MRPL21: variants seen among roughly 807,000 people sequenced by gnomAD.
MRPL21 encodes mitochondrial ribosomal protein L21, also known as large ribosomal subunit protein bL21m.
A neutral mutation model predicts 27.3 loss-of-function variants in MRPL21; 20 were observed. The observed-to-expected ratio is 0.73, with a 90% CI of 0.52 to 1.06. The LOEUF (loss-of-function observed/expected upper bound fraction) is 1.06, where lower values mean the gene tolerates loss of function less well. Among genes scored for constraint, MRPL21 ranks in the 50% least tolerant of loss-of-function variants. The pLI is 0.00. For missense variants in MRPL21, 249 were observed against 251.4 expected (o/e 0.99, Z 0.06); for synonymous variants, 98 against 101.5 (o/e 0.97, Z 0.21).
At chr11:68,896,227 A>C (rs1242323804) in intron 4 of MRPL21, among the ~76,000 whole-genome samples, 3 of 152,212 alleles carry the variant, frequency 2.0e-5, no homozygotes, top group Non-Finnish European at 4.4e-5. Flanking sequence ...ACTGGAACAC[A>C]ATAAAGACAT....
At chr11:68,900,680 C>G in intron 1 of MRPL21, 75 bp from the exon 2 acceptor site, 2 of 1,268,332 alleles carry the variant, frequency 1.6e-6, no homozygotes. Flanking sequence ...ATGCTAAATG[C>G]ACAGCTGCTG....
At chr11:68,893,322 C>A in intron 5 of MRPL21, 81 bp downstream of exon 5, 1 of 1,597,184 alleles carries the variant, frequency 6.3e-7, no homozygotes, top group Admixed American at 1.7e-5. Flanking sequence ...AACTCCCCAC[C>A]TGGCCTAATT....
chr11:68,903,674 A>G (rs1858036525), intron 1 of MRPL21, 49 bp downstream of exon 1: 2 of 1,593,694 alleles, frequency 1.3e-6, no homozygotes, highest in Non-Finnish European at 1.7e-6. Context: ...GACCGCAGGG[A>G]GCAGCGCTCG....
intron 1 of MRPL21, 91 bp downstream of exon 1, chr11:68,903,632 C>A: frequency 7.6e-7 from 1 of 1,324,210 alleles, no homozygotes; most frequent in Non-Finnish European, 1.1e-6. Flanking sequence ...ACACACAAGG[C>A]ACCAGGTCGG....
chr11:68,898,849 A>G (rs1857866683), intron 2 of MRPL21, among the ~76,000 whole-genome samples: 1 of 151,970 alleles, frequency 6.6e-6, no homozygotes, highest in Non-Finnish European at 1.5e-5. Context: ...GTGCGGTGGC[A>G]TGATCTCAGC....
chr11:68,900,054 T>C, intron 2 of MRPL21, among the ~76,000 whole-genome samples: 1 of 152,236 alleles, frequency 6.6e-6, no homozygotes, highest in Non-Finnish European at 1.5e-5. Flanking sequence ...TGAGTGGAAC[T>C]TTGTCGAATG....
At chr11:68,896,453 C>T (rs976937734) in intron 4 of MRPL21, 62 bp downstream of exon 4, 46 of 1,581,438 alleles carry the variant, frequency 2.9e-5, no homozygotes, top group East Asian at 2.2e-4. Flanking sequence ...TGAGCTGGGG[C>T]GTGGAGATTA....
At chr11:68,894,065 A>G (rs1040008344) in intron 4 of MRPL21, among the ~76,000 whole-genome samples, 1 of 151,948 alleles carries the variant, frequency 6.6e-6, no homozygotes, top group Non-Finnish European at 1.5e-5. Context: ...AACCCTTTCT[A>G]TCAAAGCATA....
At chr11:68,896,780 G>C in intron 3 of MRPL21, 102 bp from the exon 4 acceptor site, 3 of 1,486,432 alleles carry the variant, frequency 2.0e-6, no homozygotes, top group South Asian at 1.2e-5. Context: ...GGGTGGACCT[G>C]ACAGCCAGCA....
chr11:68,894,508 C>G (rs1485654506), intron 4 of MRPL21, among the ~76,000 whole-genome samples: 1 of 152,174 alleles, frequency 6.6e-6, no homozygotes, highest in Non-Finnish European at 1.5e-5. Flanking sequence ...TGGTCTCAAA[C>G]TGACCTCAGG....
At chr11:68,892,634 GT>G in intron 6 of MRPL21, 1 of 1,415,734 alleles carries the variant, frequency 7.1e-7, no homozygotes, top group African/African-American at 1.5e-5. Context: ...GGGGAGCGAG[GT>G]GGGGTCACGT....
chr11:68,899,423 A>C (rs1319362913), intron 2 of MRPL21, among the ~76,000 whole-genome samples: 1 of 152,136 alleles, frequency 6.6e-6, no homozygotes, highest in East Asian at 1.9e-4. Context: ...GGCGCGCAGG[A>C]GGGGCTCCAC....
In MRPL21 at chr11:68,900,688, C is replaced by T. The variant is rs1250960582; in HGVS notation, c.89-83G>A. 7.4e-6 allele frequency: 9 copies of T among 1,220,392 alleles called. No individual in the cohort carries two copies. The East Asian group carries it at 1.4e-4, about 19-fold the overall frequency. The allele number at this position is 1,220,392 out of a possible 1,614,324, so 75.6% of individuals were successfully genotyped here. The stretch of plus-strand genomic sequence containing the variant: ...CTTTATGATGCTAAATGCACAGCTG[C>T]TGCTCCTGGTACATGGTATGAACCA... On this transcript the variant is annotated intron_variant, in intron 1 of 6. Transcript: ENST00000362034.
intron 6 of MRPL21, chr11:68,892,686 G>A (rs1048785557): frequency 2.1e-5 from 32 of 1,510,140 alleles, no homozygotes; most frequent in Non-Finnish European, 2.6e-5. Flanking sequence ...GGGGTCACGC[G>A]TGGAGCGTGG....
rs369878980 is a variant in MRPL21 at position 68,892,870 on chromosome 11, C to A, written c.553+20G>T. ...ACCAGCACCGTGCAACAGGGCCCAG[C>A]GGTACTTTCTCTAACTTACTTCTTT... is the stretch of plus-strand genomic sequence containing the variant. On this transcript the variant is annotated intron_variant, in intron 6 of 6. Coordinates refer to ENST00000362034, the MANE Select transcript of MRPL21 (RefSeq NM_181514.2). 9 of 1,604,302 alleles carry A rather than the reference C, an allele frequency of 5.6e-6. No homozygotes were observed. Among genetic ancestry groups the A allele is most frequent in the Admixed American group, 1.7e-5 (1 of 58,692 alleles).
At chr11:68,891,434 G>A in intron 6 of MRPL21, 39 bp from the exon 7 acceptor site, 1 of 1,606,592 alleles carries the variant, frequency 6.2e-7, no homozygotes, top group Non-Finnish European at 8.5e-7. Context: ...CACAGACCCT[G>A]ACTGTTGTCA....
At chr11:68,896,399 T>C (rs1466540529) in intron 4 of MRPL21, 116 bp downstream of exon 4, 2 of 1,328,708 alleles carry the variant, frequency 1.5e-6, no homozygotes, top group African/African-American at 2.9e-5. Flanking sequence ...TCAGCTTTGT[T>C]GGCCTCCACC....
At chr11:68,903,701 C>T (rs750592296) in intron 1 of MRPL21, 22 bp downstream of exon 1, 1 of 1,612,198 alleles carries the variant, frequency 6.2e-7, no homozygotes, top group Non-Finnish European at 8.5e-7. Context: ...GTCCTCCCTT[C>T]CTCCCATATC....
chr11:68,894,523 C>G (rs1009485564), intron 4 of MRPL21, among the ~76,000 whole-genome samples: 1 of 152,182 alleles, frequency 6.6e-6, no homozygotes, highest in Non-Finnish European at 1.5e-5. Context: ...CTCAGGTGAT[C>G]TGCCCGCCTC....
Sources: gnomAD v4.1 joint callset for allele counts (sites outside exome capture counted in the v4.1 genomes callset) on GRCh38, gnomAD v4.1.1 for gene constraint, MANE v1.5 for transcripts, NCBI Gene and HGNC (gene_info 2026-07-23, HGNC 2026-07-21) for gene names.